Variants in STARD13 observed in about 807,000 individuals in gnomAD.
STARD13 encodes stAR-related lipid transfer protein 13.
Under a neutral mutation model 106.4 loss-of-function variants are expected in STARD13, and 62 were observed. That is an observed-to-expected ratio of 0.58 (90% CI 0.48 to 0.72). The LOEUF (loss-of-function observed/expected upper bound fraction) is 0.72. Among genes scored for constraint, STARD13 ranks in the 30% least tolerant of loss-of-function variants. STARD13 has a pLI of 0.00. For synonymous variants in STARD13, 565 were observed against 553.0 expected (o/e 1.02, Z -0.31); for missense variants, 1,387 against 1,424.0 (o/e 0.97, Z 0.42).
the STARD13 span, among the ~76,000 whole-genome samples, chr13:33,531,962 T>C: frequency 6.6e-6 from 1 of 152,186 alleles, no homozygotes; most frequent in African/African-American, 2.4e-5. Context: ...CTGAAAACAC[T>C]GTAAAAGGTT....
intron 1 of STARD13, among the ~76,000 whole-genome samples, chr13:33,200,544 T>C (rs992009669): frequency 1.3e-5 from 2 of 152,244 alleles, no homozygotes; most frequent in Non-Finnish European, 2.9e-5. Context: ...GCCACCGACA[T>C]TGCATGTGTG....
At chr13:33,499,621 T>TC in the STARD13 span, among the ~76,000 whole-genome samples, 80 of 119,178 alleles carry the variant, frequency 6.7e-4, 1 homozygote, top group East Asian at 2.7e-3. Context: ...TTCTTCTTCT[T>TC]CTTCTTCTTC....
the STARD13 span, among the ~76,000 whole-genome samples, chr13:33,601,838 G>T: frequency 6.6e-6 from 1 of 152,300 alleles, no homozygotes; most frequent in African/African-American, 2.4e-5. Flanking sequence ...GGGCAGTGTT[G>T]TAGTGGGCCC....
At chr13:33,178,731 C>T (rs146137666) in intron 1 of STARD13, among the ~76,000 whole-genome samples, 1 of 152,294 alleles carries the variant, frequency 6.6e-6, no homozygotes, top group East Asian at 1.9e-4. Flanking sequence ...TGACCTTCTG[C>T]ATATGTATTT....
At chr13:33,399,918 AT>A in the STARD13 span, among the ~76,000 whole-genome samples, 1 of 152,076 alleles carries the variant, frequency 6.6e-6, no homozygotes, top group East Asian at 1.9e-4. Flanking sequence ...ATGACTATTC[AT>A]TTTTTAATTT....
At chr13:33,594,568 G>A in the STARD13 span, among the ~76,000 whole-genome samples, 3 of 152,096 alleles carry the variant, frequency 2.0e-5, no homozygotes, top group South Asian at 2.1e-4. Context: ...GTGTAGTTCA[G>A]TGGCATTAAG....
At chr13:33,119,468 G>A (rs1267420956) in intron 7 of STARD13, among the ~76,000 whole-genome samples, 1 of 152,132 alleles carries the variant, frequency 6.6e-6, no homozygotes, top group Non-Finnish European at 1.5e-5. Context: ...TGTGTGCCAG[G>A]CCGGCCTCCA....
the STARD13 span, among the ~76,000 whole-genome samples, chr13:33,382,940 T>G: frequency 2.0e-5 from 3 of 152,360 alleles, no homozygotes; most frequent in African/African-American, 4.8e-5. Context: ...GATATCTAGC[T>G]TCCAGGCAGT....
At chr13:33,533,281 CAA>C in the STARD13 span, among the ~76,000 whole-genome samples, 8 of 152,120 alleles carry the variant, frequency 5.3e-5, no homozygotes, top group Non-Finnish European at 8.8e-5. Context: ...GATATGAAAA[CAA>C]AAGAGAAGCC....
chr13:33,185,730 G>T lies in STARD13; in HGVS notation c.170-18108C>A. 5.7e-6 allele frequency: 4 copies of T among 697,134 alleles called. No individual in the cohort carries two copies. In the South Asian group the frequency reaches 7.7e-5, roughly 13 times the overall value. The allele number at this position is 697,134 out of a possible 1,614,324, so 43.2% of individuals were successfully genotyped here. A position where few individuals can be genotyped will look rare whatever the true frequency, so the allele number is the denominator to read the frequency against. On this transcript the variant is annotated intron_variant, in intron 1 of 13. Transcript: ENST00000336934. ...TGACTAGTCAATTCTTTTCCTCTTTGCCTCTCTGATTCCCAGCTCTAGTTT... is the reference window on the plus strand; with the variant it reads ...TGACTAGTCAATTCTTTTCCTCTTTTCCTCTCTGATTCCCAGCTCTAGTTT...
the STARD13 span, among the ~76,000 whole-genome samples, chr13:33,620,980 G>T: frequency 6.6e-6 from 1 of 151,782 alleles, no homozygotes; most frequent in Non-Finnish European, 1.5e-5. Flanking sequence ...TTTGTGAGAT[G>T]CAGCTAAAGA....
intron 1 of STARD13, among the ~76,000 whole-genome samples, chr13:33,232,345 A>T (rs923728194): frequency 2.6e-5 from 4 of 152,192 alleles, no homozygotes; most frequent in African/African-American, 9.6e-5. Context: ...TAAGCTATGT[A>T]AATAATTCTT....
the STARD13 span, among the ~76,000 whole-genome samples, chr13:33,521,173 G>A: frequency 1.3e-5 from 2 of 152,120 alleles, no homozygotes; most frequent in Non-Finnish European, 2.9e-5. Flanking sequence ...ATTCACAAAT[G>A]AGCACATGTT....
chr13:33,183,965 C>T (rs1566058169), intron 1 of STARD13, among the ~76,000 whole-genome samples: 1 of 152,150 alleles, frequency 6.6e-6, no homozygotes, highest in African/African-American at 2.4e-5. Context: ...TGAAATGTAA[C>T]CACATTCAGC....
chr13:33,251,076 A>G (rs75641380), intron 1 of STARD13, among the ~76,000 whole-genome samples: 2,278 of 152,322 alleles, frequency 0.015, 33 homozygotes, highest in Middle Eastern at 0.024. Context: ...ACAGCAACAC[A>G]TATAGTGTAG....
chr13:33,203,019 A>G (rs140141065), intron 1 of STARD13, among the ~76,000 whole-genome samples: 149 of 152,364 alleles, frequency 9.8e-4, no homozygotes, highest in South Asian at 3.1e-3. Context: ...TAGTGACTTT[A>G]AATGGCCTGA....
chr13:33,609,621 C>T, the STARD13 span, among the ~76,000 whole-genome samples: 2 of 149,764 alleles, frequency 1.3e-5, no homozygotes, highest in African/African-American at 2.5e-5. Context: ...GGCTGGAGTG[C>T]AGTGGCAGGA....
At chr13:33,354,360 T>C (rs1362838436), upstream of STARD13, among the ~76,000 whole-genome samples, 1 of 152,250 alleles carries the variant, frequency 6.6e-6, no homozygotes, top group Non-Finnish European at 1.5e-5. Flanking sequence ...TCAGATGTAC[T>C]CAGATGTCAC....
At chr13:33,105,794 G>T in intron 13 of STARD13, 84 bp from the exon 14 acceptor site, 3 of 1,144,624 alleles carry the variant, frequency 2.6e-6, no homozygotes, top group Non-Finnish European at 4.0e-6. Flanking sequence ...GGCTGCCCTT[G>T]GGCCCCGATG....
Sources: gnomAD v4.1 joint callset for allele counts (sites outside exome capture counted in the v4.1 genomes callset) on GRCh38, gnomAD v4.1.1 for gene constraint, MANE v1.5 for transcripts, NCBI Gene and HGNC (gene_info 2026-07-23, HGNC 2026-07-21) for gene names.